NBAS: variants seen among roughly 807,000 people sequenced by gnomAD.
NBAS encodes the protein NBAS subunit of NRZ tethering complex.
A neutral mutation model predicts 302.5 loss-of-function variants in NBAS; 219 were observed. The observed-to-expected ratio is 0.72, with a 90% CI of 0.65 to 0.81. The LOEUF (loss-of-function observed/expected upper bound fraction) is 0.81, where lower values mean the gene tolerates loss of function less well. NBAS is among the 30% of genes least tolerant of loss of function. The pLI is 0.00. For synonymous variants in NBAS, 1,118 were observed against 1,021.6 expected, an observed-to-expected ratio of 1.09 and a Z score of -1.80; for missense variants, 2,932 against 2,841.6, an observed-to-expected ratio of 1.03 and a Z score of -0.72.
chr2:14,937,174 GT>G, the NBAS span, among the ~76,000 whole-genome samples: 5 of 152,152 alleles, frequency 3.3e-5, no homozygotes, highest in East Asian at 9.6e-4. Context: ...ATCTCTGAGG[GT>G]TCACCCATTA....
the NBAS span, among the ~76,000 whole-genome samples, chr2:14,995,854 T>C: frequency 9.9e-3 from 1,500 of 152,188 alleles, 30 homozygotes; most frequent in African/African-American, 0.035. Flanking sequence ...CCCAAGTAGC[T>C]AGGTCCCCAC....
chr2:15,501,547 T>C (rs903559913), intron 11 of NBAS, among the ~76,000 whole-genome samples: 1 of 151,730 alleles, frequency 6.6e-6, no homozygotes, highest in Non-Finnish European at 1.5e-5. Context: ...CTCAGTGTTG[T>C]TAGAGTTTCA....
At chr2:14,802,807 C>T in the NBAS span, among the ~76,000 whole-genome samples, 2 of 139,168 alleles carry the variant, frequency 1.4e-5, no homozygotes, top group African/African-American at 5.6e-5. Flanking sequence ...CCAAACACCA[C>T]ATATTCTCAC....
At chr2:15,019,136 A>G in the NBAS span, among the ~76,000 whole-genome samples, 1 of 152,240 alleles carries the variant, frequency 6.6e-6, no homozygotes. Flanking sequence ...GACAATTTAC[A>G]TTCACTTTGA....
At position 15,514,773 on chromosome 2, in the gene NBAS, C is replaced by T. The variant is rs1054177620; in HGVS notation, c.747-3423G>A. ...GGCTGACTACTGAAGGAGTTACAGA[C>T]CTAAGTGATAATCCAGATTTTTTAT... On this transcript the variant is annotated intron_variant, in intron 9 of 51. Coordinates refer to ENST00000281513, the MANE Select transcript of NBAS (RefSeq NM_015909.4). Among the ~76,000 whole-genome samples, 7 of 151,982 alleles carry T rather than the reference C, an allele frequency of 4.6e-5. 1 individual carries two copies. The highest frequency in any genetic ancestry group is 6.6e-5 in the Admixed American group (1 of 15,236).
At chr2:15,273,739 C>T (rs1161806640) in intron 44 of NBAS, among the ~76,000 whole-genome samples, 2 of 152,084 alleles carry the variant, frequency 1.3e-5, no homozygotes, top group Non-Finnish European at 2.9e-5. Flanking sequence ...TATATGTCTC[C>T]AAACACATTC....
In NBAS at chr2:15,551,740, T is replaced by C. The variant is rs574191999; in HGVS notation, c.336-204A>G. ...TTATTGCATCAGATACGGAGCTACATCGTTATGGAGACATATATATGGAAT... is the reference window on the plus strand; with the variant it reads ...TTATTGCATCAGATACGGAGCTACACCGTTATGGAGACATATATATGGAAT... On this transcript the variant is annotated intron_variant, in intron 5 of 51. Coordinates refer to ENST00000281513, the MANE Select transcript of NBAS (RefSeq NM_015909.4). 6.6e-5 allele frequency among the ~76,000 whole-genome samples: 10 copies of C among 152,308 alleles called. No individual in the cohort carries two copies. The South Asian group carries it at 2.1e-3, about 32-fold the overall frequency.
chr2:15,404,808 C>T (rs985781887), intron 25 of NBAS, among the ~76,000 whole-genome samples: 4 of 152,172 alleles, frequency 2.6e-5, no homozygotes, highest in East Asian at 1.9e-4. Context: ...CCACTGCGCC[C>T]GGCCCTAAAG....
chr2:15,043,923 T>C, the NBAS span, among the ~76,000 whole-genome samples: 1 of 152,134 alleles, frequency 6.6e-6, no homozygotes, highest in Non-Finnish European at 1.5e-5. Flanking sequence ...GAAAACTTGA[T>C]GCATTCGGGC....
chr2:15,311,485 T>C (rs1046701360), intron 38 of NBAS, among the ~76,000 whole-genome samples: 4 of 152,186 alleles, frequency 2.6e-5, no homozygotes, highest in African/African-American at 9.7e-5. Flanking sequence ...CTAAAAATGA[T>C]TGATAAAAGG....
At chr2:14,835,194 T>C in the NBAS span, among the ~76,000 whole-genome samples, 1 of 151,994 alleles carries the variant, frequency 6.6e-6, no homozygotes, top group Non-Finnish European at 1.5e-5. Flanking sequence ...TACACATCAA[T>C]TGAGATGTGT....
the NBAS span, among the ~76,000 whole-genome samples, chr2:14,964,376 A>G: frequency 0.092 from 14,053 of 152,260 alleles, 664 homozygotes; most frequent in East Asian, 0.14. Flanking sequence ...AAAAAAATAC[A>G]CTGGATGGGA....
At chr2:15,455,869 G>T (rs1238142859) in intron 21 of NBAS, among the ~76,000 whole-genome samples, 2 of 151,542 alleles carry the variant, frequency 1.3e-5, no homozygotes, top group Admixed American at 1.3e-4. Flanking sequence ...TTTTTAAATA[G>T]AAAAAGAGCA....
the NBAS span, among the ~76,000 whole-genome samples, chr2:15,119,864 C>A: frequency 6.6e-6 from 1 of 152,174 alleles, no homozygotes; most frequent in South Asian, 2.1e-4. Context: ...TTACACCACA[C>A]CTCTGCAAAG....
At chr2:15,404,459 C>T (rs1313188905) in intron 25 of NBAS, among the ~76,000 whole-genome samples, 1 of 152,000 alleles carries the variant, frequency 6.6e-6, no homozygotes, top group Non-Finnish European at 1.5e-5. Context: ...ACTTGTTCTC[C>T]CCACTTCCTA....
the NBAS span, among the ~76,000 whole-genome samples, chr2:14,962,192 T>C: frequency 6.6e-6 from 1 of 152,104 alleles, no homozygotes; most frequent in Admixed American, 6.6e-5. Flanking sequence ...CCTGTGTGGG[T>C]TGATTTAGGG....
At chr2:15,228,394 A>G (rs1667233712) in intron 47 of NBAS, among the ~76,000 whole-genome samples, 1 of 152,242 alleles carries the variant, frequency 6.6e-6, no homozygotes, top group South Asian at 2.1e-4. Flanking sequence ...GTTGGTGGGA[A>G]CATAAATTAG....
chr2:15,171,764 A>G (rs544213435), intron 51 of NBAS, among the ~76,000 whole-genome samples: 7 of 152,320 alleles, frequency 4.6e-5, no homozygotes, highest in African/African-American at 1.7e-4. Context: ...AAATGAGGTC[A>G]TCAGGATGGA....
At chr2:15,031,256 C>T in the NBAS span, among the ~76,000 whole-genome samples, 1 of 152,144 alleles carries the variant, frequency 6.6e-6, no homozygotes, top group African/African-American at 2.4e-5. Context: ...CCAACTCTAC[C>T]ACTAAATAGC....
Sources: allele counts gnomAD v4.1 joint callset (sites outside exome capture counted in the v4.1 genomes callset), GRCh38; gene constraint gnomAD v4.1.1; transcripts MANE v1.5; gene names NCBI Gene and HGNC (gene_info 2026-07-23, HGNC 2026-07-21).